Variants in INPP4B observed in about 807,000 individuals in gnomAD.
INPP4B encodes inositol polyphosphate 4-phosphatase type II.
INPP4B carries 55 observed loss-of-function variants against 122.5 expected under a neutral mutation model. The observed-to-expected ratio is 0.45, with a 90% CI of 0.36 to 0.56. INPP4B has a LOEUF of 0.56. INPP4B is among the 20% of genes least tolerant of loss of function. The probability of loss-of-function intolerance (pLI) is 0.00; values close to 1 mark genes in which losing one functional copy is unlikely to be tolerated. For missense variants in INPP4B, 1,000 were observed against 1,097.7 expected, an observed-to-expected ratio of 0.91 and a Z score of 1.26; for synonymous variants, 403 against 388.7, an observed-to-expected ratio of 1.04 and a Z score of -0.43.
Position 142,145,821 on chromosome 4 carries a change from A to G in INPP4B, c.1720+19T>C. The stretch of plus-strand genomic sequence containing the variant: ...TTTGTTTACTCAGTAAATGATTGGG[A>G]AAAAAAATTATTTCTTACCTCTTGG... On this transcript the variant is annotated intron_variant, in intron 18 of 25. Transcript: ENST00000262992. 4 of 1,604,534 alleles carry G rather than the reference A, an allele frequency of 2.5e-6. No individual in the cohort carries two copies. Among genetic ancestry groups the G allele is most frequent in the Non-Finnish European group, 2.6e-6 (3 of 1,174,194 alleles).
At chr4:142,140,649 A>C (rs1408830698) in intron 18 of INPP4B, among the ~76,000 whole-genome samples, 2 of 152,214 alleles carry the variant, frequency 1.3e-5, no homozygotes, top group African/African-American at 4.8e-5. Flanking sequence ...AAGGCATTTT[A>C]TACTAGTCAG....
At chr4:142,194,955 T>C (rs1837517522) in intron 14 of INPP4B, among the ~76,000 whole-genome samples, 1 of 152,216 alleles carries the variant, frequency 6.6e-6, no homozygotes, top group Non-Finnish European at 1.5e-5. Context: ...AAAATGATGC[T>C]GGGGCTCAGT....
intron 3 of INPP4B, among the ~76,000 whole-genome samples, chr4:142,438,816 A>G (rs1229731227): frequency 2.6e-5 from 4 of 152,216 alleles, no homozygotes; most frequent in Non-Finnish European, 5.9e-5. Flanking sequence ...ACAAAGGCCT[A>G]ATTTTCAGAA....
chr4:142,186,934 A>C (rs1379626630), intron 15 of INPP4B, among the ~76,000 whole-genome samples: 1 of 152,134 alleles, frequency 6.6e-6, no homozygotes, highest in Non-Finnish European at 1.5e-5. Context: ...TCTCTCTATG[A>C]AGATTTGGTG....
At position 142,425,650 on chromosome 4, in the gene INPP4B, C is replaced by T. The variant is rs1289137096; in HGVS notation, c.136+3523G>A. 3.9e-5 allele frequency among the ~76,000 whole-genome samples: 6 copies of T among 152,060 alleles called. No individual in the cohort carries two copies. The East Asian group carries it at 9.7e-4, about 25-fold the overall frequency. ...TTAGTATCTATATCCTGCATAAGCA[C>T]CTAGAGGTCTTCTTTGAAAACTATA... On this transcript the variant is annotated intron_variant, in intron 5 of 25. Transcript: ENST00000262992.
At chr4:142,687,635 C>T (rs138344822) in intron 2 of INPP4B, among the ~76,000 whole-genome samples, 1 of 148,432 alleles carries the variant, frequency 6.7e-6, no homozygotes, top group East Asian at 2.0e-4. Context: ...GTGAGTTGTG[C>T]GGGTTCTGCA....
chr4:142,785,010 C>T (rs1051228522), intron 1 of INPP4B, among the ~76,000 whole-genome samples: 2 of 152,084 alleles, frequency 1.3e-5, no homozygotes. Context: ...ACACTCCCTA[C>T]TCAAACCTGT....
intron 1 of INPP4B, among the ~76,000 whole-genome samples, chr4:142,844,128 A>C (rs1783899245): frequency 6.6e-6 from 1 of 152,176 alleles, no homozygotes; most frequent in African/African-American, 2.4e-5. Flanking sequence ...CAAACACAAC[A>C]TTTTAAAAGT....
chr4:142,171,711 A>G (rs1241929175), intron 16 of INPP4B, among the ~76,000 whole-genome samples: 6 of 151,870 alleles, frequency 4.0e-5, no homozygotes, highest in Admixed American at 6.6e-5. Context: ...AGATCCTCCT[A>G]GTTTTAAGGA....
intron 3 of INPP4B, among the ~76,000 whole-genome samples, chr4:142,446,295 T>C (rs1247142143): frequency 6.6e-6 from 1 of 151,778 alleles, no homozygotes; most frequent in Non-Finnish European, 1.5e-5. Flanking sequence ...CCCAGAAACA[T>C]ATTAAATGAT....
intron 3 of INPP4B, among the ~76,000 whole-genome samples, chr4:142,436,657 G>T (rs1562096934): frequency 6.6e-6 from 1 of 152,092 alleles, no homozygotes; most frequent in Non-Finnish European, 1.5e-5. Context: ...AACCACAGCA[G>T]CCCTACAGAA....
intron 1 of INPP4B, among the ~76,000 whole-genome samples, chr4:142,842,050 C>T (rs1783563257): frequency 6.6e-6 from 1 of 151,814 alleles, no homozygotes; most frequent in Admixed American, 6.6e-5. Flanking sequence ...ATGTTGCCTT[C>T]ATTCCCTTGA....
At chr4:142,037,841 G>T (rs1305686217) in intron 25 of INPP4B, among the ~76,000 whole-genome samples, 2 of 152,156 alleles carry the variant, frequency 1.3e-5, no homozygotes, top group African/African-American at 2.4e-5. Context: ...AGAGCTGTGA[G>T]TGTGGCACAA....
At chr4:142,808,799 T>A (rs1325690111) in intron 1 of INPP4B, among the ~76,000 whole-genome samples, 1 of 152,090 alleles carries the variant, frequency 6.6e-6, no homozygotes, top group Non-Finnish European at 1.5e-5. Flanking sequence ...CACTACTTAT[T>A]ATAGTAAAGA....
chr4:142,417,221 T>C (rs1805959646), intron 5 of INPP4B, among the ~76,000 whole-genome samples: 1 of 152,162 alleles, frequency 6.6e-6, no homozygotes, highest in South Asian at 2.1e-4. Flanking sequence ...TAGTTTACAC[T>C]ACTCAAATTA....
intron 3 of INPP4B, among the ~76,000 whole-genome samples, chr4:142,443,716 A>G (rs1812319532): frequency 6.6e-6 from 1 of 152,150 alleles, no homozygotes; most frequent in Admixed American, 6.5e-5. Flanking sequence ...TCTCAGGTAG[A>G]AACTTCCAAG....
intron 15 of INPP4B, among the ~76,000 whole-genome samples, chr4:142,188,025 C>T (rs1016160762): frequency 3.3e-5 from 5 of 152,098 alleles, no homozygotes; most frequent in African/African-American, 1.2e-4. Flanking sequence ...ACCCAGTATG[C>T]TACCAGTAAT....
chr4:142,234,512 T>C (rs1194417128), intron 12 of INPP4B, among the ~76,000 whole-genome samples: 1 of 152,184 alleles, frequency 6.6e-6, no homozygotes, highest in Non-Finnish European at 1.5e-5. Flanking sequence ...CTACAAGCTT[T>C]TCCTATTTCC....
chr4:142,471,100 C>T (rs922144896), intron 2 of INPP4B, among the ~76,000 whole-genome samples: 15 of 151,428 alleles, frequency 9.9e-5, no homozygotes, highest in Non-Finnish European at 2.9e-5. Flanking sequence ...TTCCATCTTA[C>T]TATTCTTTAA....
Sources: gnomAD v4.1 joint callset for allele counts (sites outside exome capture counted in the v4.1 genomes callset) on GRCh38, gnomAD v4.1.1 for gene constraint, MANE v1.5 for transcripts, NCBI Gene and HGNC (gene_info 2026-07-23, HGNC 2026-07-21) for gene names.